Variants in SAP30L observed in about 807,000 individuals in gnomAD.
The protein encoded by SAP30L is histone deacetylase complex subunit SAP30L.
In SAP30L, 10 loss-of-function variants were observed where a neutral mutation model predicts 22.3. The ratio of observed to expected loss-of-function variants is 0.45; its 90% confidence interval spans 0.28 to 0.76. The LOEUF (loss-of-function observed/expected upper bound fraction) is 0.76. Among genes scored for constraint, SAP30L ranks in the 30% least tolerant of loss-of-function variants. The pLI, the probability that SAP30L is intolerant of heterozygous loss-of-function variation, is 0.14. For missense variants in SAP30L, 206 were observed against 237.9 expected (o/e 0.87, Z 0.88); for synonymous variants, 91 against 94.1 (o/e 0.97, Z 0.19).
In SAP30L at chr5:154,446,796, C is replaced by G; in HGVS notation, c.192C>G (p.Ile64Met). 6.2e-7 allele frequency: 1 copy of G among 1,603,160 alleles called. No individual in the cohort carries two copies. The highest frequency in any genetic ancestry group is 8.5e-7 in the Non-Finnish European group (1 of 1,176,360). The change falls in exon 1 of 4, where the codon ATC (isoleucine) becomes ATG (methionine). Residue 64 changes from isoleucine to methionine, a missense_variant. This residue lies in a region of SAP30L where 136 missense variants were observed against 187.4 expected (regional missense o/e 0.73). Coordinates refer to ENST00000297109, the MANE Select transcript of SAP30L (RefSeq NM_024632.6). ...SISQKKLKLD[I>M]DKSVRHLYIC... ...CGCAGAAGAAACTCAAGCTGGACAT[C>G]GACAAGAGCGTGAGTCCGCCCCCGC...
rs183728746 is a variant in SAP30L, at chr5:154,452,545, G to A, written c.325-857G>A. 6.3e-5 allele frequency: 56 copies of A among 894,834 alleles called. No homozygotes were observed. In the African/African-American group the frequency reaches 8.8e-4, roughly 14 times the overall value. 55.4% of individuals were successfully genotyped at this position (894,834 alleles called of 1,614,324 possible). A position where few individuals can be genotyped will look rare whatever the true frequency, so the allele number is the denominator to read the frequency against. On this transcript the variant is annotated intron_variant, in intron 2 of 3. Coordinates refer to ENST00000297109, the MANE Select transcript of SAP30L (RefSeq NM_024632.6). The stretch of plus-strand genomic sequence containing the variant: ...TGGGCCTTCAATTTTTCATGACTAT[G>A]CAGCTTTCCTCTCTTCCTTTGTTAG...
chr5:154,453,140 T>C (rs1582043080), intron 2 of SAP30L: 1 of 366,598 alleles, frequency 2.7e-6, no homozygotes, highest in East Asian at 4.6e-5. Context: ...CAGTGCTTTA[T>C]CAGACCCTGC....
chr5:154,446,723 G>A lies in SAP30L; in HGVS notation c.119G>A (p.Arg40Gln). Residue 40 changes from arginine to glutamine, a missense_variant, in exon 1 of 4, where the codon CGG becomes CAG. Arg to Gln is a conservative substitution (Grantham distance 43, BLOSUM62 1). Around this residue, in one of 2 missense-constraint regions of SAP30L, gnomAD observed 136 missense variants for 187.4 expected, o/e 0.73. Coordinates refer to ENST00000297109, the MANE Select transcript of SAP30L (RefSeq NM_024632.6). Reference sequence around the variant, plus strand: ...ATCGAGGACGGCGAGCGCTGCGTCCGGCCCGCGGGCAACGCCTCCTTCAGC... The same window carrying A: ...ATCGAGGACGGCGAGCGCTGCGTCCAGCCCGCGGGCAACGCCTCCTTCAGC... ...CLIEDGERCV[R>Q]PAGNASFSKR... The A allele has an allele frequency of 6.2e-7, 1 of 1,604,894 alleles. No homozygotes were observed.
At chr5:154,450,799 T>C (rs1031443910) in intron 1 of SAP30L, among the ~76,000 whole-genome samples, 1 of 152,216 alleles carries the variant, frequency 6.6e-6, no homozygotes. Flanking sequence ...GTCAGGGCCC[T>C]TCACCCTGAG....
In SAP30L at chr5:154,459,210, A is replaced by G. The variant is rs1383109740; in HGVS notation, c.*3182A>G. 1 of 152,274 alleles carries G rather than the reference A, an allele frequency of 6.6e-6. No homozygotes were observed. The highest frequency in any genetic ancestry group is 1.9e-4 in the East Asian group (1 of 5,204). 9.4% of individuals were successfully genotyped at this position (152,274 alleles called of 1,614,324 possible). Reference sequence around the variant, plus strand: ...TCCAAAGGCGCTCTCAGTCATTACAATGACAGGATCTCAAAGTTGGGAAAG... The same window carrying G: ...TCCAAAGGCGCTCTCAGTCATTACAGTGACAGGATCTCAAAGTTGGGAAAG... On this transcript the variant is annotated 3_prime_UTR_variant, in exon 4 of 4. Coordinates refer to ENST00000297109, the MANE Select transcript of SAP30L (RefSeq NM_024632.6).
At position 154,451,150 on chromosome 5, in the gene SAP30L, AAGGAAG is replaced by A; in HGVS notation, c.269_274del (p.Arg90_Lys91del). The A allele has an allele frequency of 6.2e-7, 1 of 1,614,160 alleles. No individual in the cohort carries two copies. The highest frequency in any genetic ancestry group is 8.5e-7 in the Non-Finnish European group (1 of 1,180,004). On this transcript the variant is annotated inframe_deletion, in exon 2 of 4. Coordinates refer to ENST00000297109, the MANE Select transcript of SAP30L (RefSeq NM_024632.6). ...ATTTCATCCAGAGTGTCCGAAATAA[AAGGAAG>A]AGGAAGACAAGTGACGATGGCGGAG...
chr5:154,453,543 C>T (rs776098504), intron 3 of SAP30L, 43 bp downstream of exon 3: 1 of 1,286,278 alleles, frequency 7.8e-7, no homozygotes, highest in Non-Finnish European at 1.1e-6. Flanking sequence ...CAGCATTGTG[C>T]TGCTTCTGAT....
chr5:154,457,368 A>G lies in SAP30L; in HGVS notation c.*1340A>G, dbSNP rs1159737088. ...AAAAGAATTTGGATTCTAATTTATG[A>G]CCATCTTGACATATGGTCAAAGGTG... is the stretch of plus-strand genomic sequence containing the variant. On this transcript the variant is annotated 3_prime_UTR_variant, in exon 4 of 4. Transcript: ENST00000297109. 2 of 152,206 alleles carry G rather than the reference A, an allele frequency of 1.3e-5. No homozygotes were observed. Among genetic ancestry groups the G allele is most frequent in the African/African-American group, 4.8e-5 (2 of 41,440 alleles). 9.4% of individuals were successfully genotyped at this position (152,206 alleles called of 1,614,324 possible).
Position 154,458,242 on chromosome 5 carries a change from G to T in SAP30L, c.*2214G>T, listed in dbSNP as rs1344500937. 6.6e-6 allele frequency: 1 copy of T among 152,248 alleles called. No individual in the cohort carries two copies. The highest frequency in any genetic ancestry group is 1.5e-5 in the Non-Finnish European group (1 of 68,048). 9.4% of individuals were successfully genotyped at this position (152,248 alleles called of 1,614,324 possible). On this transcript the variant is annotated 3_prime_UTR_variant, in exon 4 of 4. Transcript: ENST00000297109. The stretch of plus-strand genomic sequence containing the variant: ...TAAGGAGAGGTGCTTGTGGAAAGTG[G>T]AGGTTGTGGGCATCTTTTCAACCTT...
At chr5:154,451,634 C>T (rs1375466792) in intron 2 of SAP30L, among the ~76,000 whole-genome samples, 2 of 152,106 alleles carry the variant, frequency 1.3e-5, no homozygotes, top group Non-Finnish European at 2.9e-5. Context: ...TGTAAGTCAT[C>T]AGTTCATACC....
Position 154,446,102 on chromosome 5 carries a change from C to G in SAP30L, c.-503C>G, listed in dbSNP as rs973825545. 1.3e-5 allele frequency: 2 copies of G among 150,186 alleles called. No individual in the cohort carries two copies. Among genetic ancestry groups the G allele is most frequent in the African/African-American group, 4.9e-5 (2 of 41,108 alleles). The allele number at this position is 150,186 out of a possible 1,614,324, so 9.3% of individuals were successfully genotyped here. ...GGGGTGGAGTGGGCCGGACGAGCCG[C>G]GGGGCCCGGGTGCCGCGGGTTCGAG... is the stretch of plus-strand genomic sequence containing the variant. On this transcript the variant is annotated 5_prime_UTR_variant, in exon 1 of 4. Coordinates refer to ENST00000297109, the MANE Select transcript of SAP30L (RefSeq NM_024632.6).
intron 3 of SAP30L, 39 bp from the exon 4 acceptor site, chr5:154,455,861 G>T: frequency 6.3e-7 from 1 of 1,580,284 alleles, no homozygotes; most frequent in Non-Finnish European, 8.6e-7. Flanking sequence ...TGTGATTTGT[G>T]CATGGTTTAA....
chr5:154,451,526 G>C (rs559143073), intron 2 of SAP30L, among the ~76,000 whole-genome samples: 1 of 145,722 alleles, frequency 6.9e-6, no homozygotes, highest in Non-Finnish European at 1.5e-5. Flanking sequence ...TGACGAATGC[G>C]TAAATACAAC....
intron 1 of SAP30L, among the ~76,000 whole-genome samples, chr5:154,449,322 A>C (rs185091672): frequency 6.6e-6 from 1 of 151,870 alleles, no homozygotes; most frequent in African/African-American, 2.4e-5. Context: ...AAAGACATGT[A>C]CTGGGGGGGC....
intron 3 of SAP30L, among the ~76,000 whole-genome samples, chr5:154,454,530 A>G: frequency 6.6e-6 from 1 of 152,162 alleles, no homozygotes; most frequent in Non-Finnish European, 1.5e-5. Context: ...TGTTTCAGCC[A>G]CCTTGATCCA....
At chr5:154,452,365 C>A (rs1347851555) in intron 2 of SAP30L, 784 of 228,406 alleles carry the variant, frequency 3.4e-3, no homozygotes, top group Admixed American at 5.8e-3. Flanking sequence ...TGGTTTTCAC[C>A]AAAAAAAAAA....
At position 154,446,577 on chromosome 5, in the gene SAP30L, C is replaced by T. The variant is rs1461826421; in HGVS notation, c.-28C>T. ...CGGAGTGGCCTACCGGGGACCCTCC[C>T]CCAGAGGGACCGGCCCGGGGCGGGG... On this transcript the variant is annotated 5_prime_UTR_variant, in exon 1 of 4. Coordinates refer to ENST00000297109, the MANE Select transcript of SAP30L (RefSeq NM_024632.6). The T allele has an allele frequency of 6.9e-7, 1 of 1,441,096 alleles. No individual in the cohort carries two copies. Among genetic ancestry groups the T allele is most frequent in the Non-Finnish European group, 9.1e-7 (1 of 1,101,554 alleles). 89.3% of individuals were successfully genotyped at this position (1,441,096 alleles called of 1,614,324 possible). A position where few individuals can be genotyped will look rare whatever the true frequency, so the allele number is the denominator to read the frequency against.
At position 154,456,064 on chromosome 5, in the gene SAP30L, C is replaced by T. The variant is rs750608030; in HGVS notation, c.*36C>T. The T allele has an allele frequency of 6.2e-7, 1 of 1,603,182 alleles. No homozygotes were observed. Among genetic ancestry groups the T allele is most frequent in the Non-Finnish European group, 8.5e-7 (1 of 1,174,702 alleles). ...CATCTTAAAGGAATGAAGTGTAATG[C>T]TTGATGCACAGGTGATATCTACTAC... On this transcript the variant is annotated 3_prime_UTR_variant, in exon 4 of 4. Transcript: ENST00000297109.
intron 1 of SAP30L, among the ~76,000 whole-genome samples, 179 bp downstream of exon 1, chr5:154,446,984 T>A (rs1757031763): frequency 6.6e-6 from 1 of 152,200 alleles, no homozygotes; most frequent in Non-Finnish European, 1.5e-5. Context: ...GCTCTGACTG[T>A]GATTCTACCC....
Sources: gnomAD v4.1 joint callset for allele counts (sites outside exome capture counted in the v4.1 genomes callset) on GRCh38, gnomAD v4.1.1 for gene constraint, gnomAD v4.1.1 regional missense constraint, MANE v1.5 for transcripts, NCBI Gene and HGNC (gene_info 2026-07-23, HGNC 2026-07-21) for gene names.